The following RFX1 variants were observed in gnomAD, a reference collection of about 807,000 sequenced individuals.
The protein encoded by RFX1 is MHC class II regulatory factor RFX1.
RFX1 carries 42 observed loss-of-function variants against 119.6 expected under a neutral mutation model. The ratio of observed to expected loss-of-function variants is 0.35; its 90% confidence interval spans 0.27 to 0.45. The LOEUF is 0.45. RFX1 is among the 20% of genes least tolerant of loss of function. The pLI, the probability that RFX1 is intolerant of heterozygous loss-of-function variation, is 1.00. For missense variants in RFX1, 1,118 were observed against 1,368.1 expected (o/e 0.82, Z 2.88); for synonymous variants, 628 against 618.5 (o/e 1.02, Z -0.23).
chr19:13,963,013 G>T lies in RFX1; in HGVS notation c.2751C>A (p.Asn917Lys), dbSNP rs757663788. Residue 917 changes from asparagine to lysine, a missense_variant, in exon 20 of 21, where the codon AAC becomes AAA. Physicochemically the swap from Asn to Lys is moderately conservative, Grantham distance 94 (BLOSUM62 0). Transcript: ENST00000254325. ...GEFANLATSL[N>K]PLDPDKDEEE... ...GCCTACCTTTGTCGGGGTCCAGGGG[G>T]TTCAGGGAGGTGGCCAGATTGGCGA... is the stretch of plus-strand genomic sequence containing the variant. The T allele has an allele frequency of 4.5e-6, 7 of 1,553,580 alleles. No homozygotes were observed. The highest frequency in any genetic ancestry group is 5.2e-6 in the Non-Finnish European group (6 of 1,148,118).
chr19:13,967,316 T>C (rs930360657), intron 12 of RFX1, among the ~76,000 whole-genome samples: 8 of 151,724 alleles, frequency 5.3e-5, no homozygotes, highest in Non-Finnish European at 1.5e-5. Flanking sequence ...CCTTTGGCCC[T>C]GTTTTCATGG....
chr19:13,973,505 G>C (rs1054918371), intron 8 of RFX1, among the ~76,000 whole-genome samples: 2 of 152,194 alleles, frequency 1.3e-5, no homozygotes, highest in Admixed American at 6.5e-5. Flanking sequence ...CCAGCTACTT[G>C]GGAGGCTGAG....
chr19:13,963,495 C>T (rs771281118), intron 18 of RFX1, 43 bp downstream of exon 18: 46 of 1,533,156 alleles, frequency 3.0e-5, no homozygotes, highest in Admixed American at 1.3e-4. Context: ...GGACGCGGGG[C>T]CTTCCCTGGT....
At chr19:13,992,291 G>A (rs1351070869) in intron 2 of RFX1, among the ~76,000 whole-genome samples, 2 of 152,074 alleles carry the variant, frequency 1.3e-5, no homozygotes, top group African/African-American at 2.4e-5. Flanking sequence ...AAAAACACAC[G>A]AATCTAGCCT....
chr19:13,963,404 C>T (rs1973781707), intron 18 of RFX1, 129 bp from the exon 19 acceptor site: 1 of 1,432,388 alleles, frequency 7.0e-7, no homozygotes, highest in Non-Finnish European at 9.4e-7. Context: ...ACAGCCTTCC[C>T]GGCACATGAG....
rs755919768 is a variant in RFX1 at position 13,962,804 on chromosome 19, G to A, written c.2831C>T (p.Ala944Val). ...EDELPQDISLAAGGESPALGP... is the reference protein window; with the variant it reads ...EDELPQDISLVAGGESPALGP... ...CAGCGCGGGTGACTCGCCGCCAGCC[G>A]CCAGTGAGATGTCCTGCGGCAGCTC... The change falls in exon 21 of 21, where the codon GCG becomes GTG. Residue 944 changes from alanine to valine, a missense_variant. Ala to Val is a moderately conservative substitution (Grantham distance 64). Around this residue, in one of 5 missense-constraint regions of RFX1, gnomAD observed 138 missense variants for 117.8 expected, o/e 1.17. Transcript: ENST00000254325. 66 of 1,529,570 alleles carry A rather than the reference G, an allele frequency of 4.3e-5. No individual in the cohort carries two copies. The highest frequency in any genetic ancestry group is 5.6e-5 in the Non-Finnish European group (64 of 1,142,842). 94.7% of individuals were successfully genotyped at this position (1,529,570 alleles called of 1,614,324 possible). A position where few individuals can be genotyped will look rare whatever the true frequency, so the allele number is the denominator to read the frequency against.
chr19:14,005,841 A>C (rs1975352826), intron 1 of RFX1, among the ~76,000 whole-genome samples: 2 of 149,984 alleles, frequency 1.3e-5, no homozygotes, highest in African/African-American at 4.9e-5. Context: ...CGACATATAA[A>C]AGCCCCCCGC....
chr19:13,982,996 C>T, intron 4 of RFX1, 191 bp downstream of exon 4: 1 of 578,578 alleles, frequency 1.7e-6, no homozygotes, highest in East Asian at 3.0e-5. Context: ...TGCAGCTCCT[C>T]TGTCCCTGAT....
At position 13,962,429 on chromosome 19, in the gene RFX1, G is replaced by T. The variant is rs931155551; in HGVS notation, c.*266C>A. 2 of 493,772 alleles carry T rather than the reference G, an allele frequency of 4.1e-6. No homozygotes were observed. The highest frequency in any genetic ancestry group is 7.2e-6 in the Non-Finnish European group (2 of 279,640). 30.6% of individuals were successfully genotyped at this position (493,772 alleles called of 1,614,324 possible). On this transcript the variant is annotated 3_prime_UTR_variant, in exon 21 of 21. Transcript: ENST00000254325. ...GGGCCTGGGAGGGGGGCGGCCAAGG[G>T]GCCGAGCTGGATGCCCCGCGGGGCA...
In RFX1 at chr19:13,972,896, A is replaced by G. The variant is rs766666783; in HGVS notation, c.1161T>C (p.Gly387=). ...CACCGCCTCCCCCGCCGCCGCCGCC[A>G]CCACCACTGCCACCACCTCCGCTGC... ...SNSSGGGGSG[G]GGGGGGGGGG... The change falls in exon 9 of 21, where the codon GGT becomes GGC. Residue 387 remains glycine (G), a synonymous_variant. Transcript: ENST00000254325. 1.8e-4 allele frequency: 281 copies of G among 1,578,922 alleles called. No individual in the cohort carries two copies. The highest frequency in any genetic ancestry group is 2.3e-4 in the Non-Finnish European group (273 of 1,169,160).
At chr19:14,003,397 T>C (rs1975278185) in intron 1 of RFX1, among the ~76,000 whole-genome samples, 1 of 152,166 alleles carries the variant, frequency 6.6e-6, no homozygotes. Context: ...TCCAGCTTCC[T>C]GGATCCCTGT....
intron 9 of RFX1, 97 bp from the exon 10 acceptor site, chr19:13,970,272 T>A: frequency 9.4e-7 from 1 of 1,067,216 alleles, no homozygotes; most frequent in South Asian, 1.6e-5. Flanking sequence ...CCAGCTGGGA[T>A]CCTGACAGCC....
rs144621262 is a variant in RFX1, at chr19:13,965,567, C to G, written c.2114-21G>C. 8 of 1,577,264 alleles carry G rather than the reference C, an allele frequency of 5.1e-6. No homozygotes were observed. Among genetic ancestry groups the G allele is most frequent in the Non-Finnish European group, 6.9e-6 (8 of 1,156,114 alleles). On this transcript the variant is annotated intron_variant, in intron 15 of 20. Coordinates refer to ENST00000254325, the MANE Select transcript of RFX1 (RefSeq NM_002918.5). The surrounding 1 kb of genome is among the most constrained non-coding windows in gnomAD (Gnocchi z 4.7). Reference sequence around the variant, plus strand: ...GGCACCTGTGGGCGGTGGCGGGGGTCGGTCAGGGCAGGGCGGGTGTATGTG... The same window carrying G: ...GGCACCTGTGGGCGGTGGCGGGGGTGGGTCAGGGCAGGGCGGGTGTATGTG...
intron 1 of RFX1, among the ~76,000 whole-genome samples, chr19:13,994,403 A>G (rs1266960671): frequency 2.0e-5 from 3 of 151,974 alleles, no homozygotes; most frequent in African/African-American, 4.8e-5. Flanking sequence ...CACTTTCCCT[A>G]TGTTAGTTCA....
At chr19:14,002,586 G>C (rs2145646437) in intron 1 of RFX1, among the ~76,000 whole-genome samples, 1 of 152,314 alleles carries the variant, frequency 6.6e-6, no homozygotes, top group South Asian at 2.1e-4. Context: ...TGATGCACCA[G>C]AACACACTGC....
chr19:13,964,512 T>C (rs1973831280), intron 16 of RFX1, among the ~76,000 whole-genome samples: 1 of 152,014 alleles, frequency 6.6e-6, no homozygotes, highest in Non-Finnish European at 1.5e-5. Context: ...TGACACTGAA[T>C]CTCTCTCTAT....
chr19:13,967,561 C>T (rs1324389240), intron 12 of RFX1, among the ~76,000 whole-genome samples: 1 of 151,982 alleles, frequency 6.6e-6, no homozygotes, highest in Non-Finnish European at 1.5e-5. Flanking sequence ...ACTGCAACCT[C>T]CGCCTCCTGA....
rs2145584430 is a variant in RFX1 at position 13,980,488 on chromosome 19, A to G, written c.738+85T>C. On this transcript the variant is annotated intron_variant, in intron 6 of 20. Coordinates refer to ENST00000254325, the MANE Select transcript of RFX1 (RefSeq NM_002918.5). This position sits in a 1 kb window ranked among gnomAD's most constrained non-coding sequence, Gnocchi z 5.1. ...GGACCCACATGGGCTGGGCTCTAAT[A>G]GGCCAGAGGCACAGCCGTGGGGGGC... 2 of 822,244 alleles carry G rather than the reference A, an allele frequency of 2.4e-6. No individual in the cohort carries two copies. The highest frequency in any genetic ancestry group is 3.8e-6 in the Non-Finnish European group (2 of 524,228). 50.9% of individuals were successfully genotyped at this position (822,244 alleles called of 1,614,324 possible). A position where few individuals can be genotyped will look rare whatever the true frequency, so the allele number is the denominator to read the frequency against.
rs191801965 is a variant in RFX1, at chr19:13,989,212, C to T, written c.319+4313G>A. Among the ~76,000 whole-genome samples the T allele has an allele frequency of 2.0e-4, 30 of 151,264 alleles. No homozygotes were observed. In the East Asian group the frequency reaches 3.1e-3, roughly 16 times the overall value. On this transcript the variant is annotated intron_variant, in intron 2 of 20. Transcript: ENST00000254325. ...GGTCAGGAGGCAGGACTGAGCCTGG[C>T]GGGTTTGTGGAGCTGTAGGAAGGCA...
Sources: allele counts gnomAD v4.1 joint callset (sites outside exome capture counted in the v4.1 genomes callset), GRCh38; gene constraint gnomAD v4.1.1; regional missense constraint gnomAD v4.1.1; non-coding constraint Gnocchi (gnomAD v3.1); transcripts MANE v1.5; gene names NCBI Gene and HGNC (gene_info 2026-07-23, HGNC 2026-07-21).